PIGK: variants seen among roughly 807,000 people sequenced by gnomAD.
PIGK encodes GPI-anchor transamidase.
Under a neutral mutation model 50.6 loss-of-function variants are expected in PIGK, and 42 were observed. That is an observed-to-expected ratio of 0.83 (90% confidence interval 0.65 to 1.07). The LOEUF (loss-of-function observed/expected upper bound fraction) is 1.07. PIGK is among the 50% of genes least tolerant of loss of function. PIGK has a pLI of 0.00. For missense variants in PIGK, 448 were observed against 488.7 expected, an observed-to-expected ratio of 0.92 and a Z score of 0.78; for synonymous variants, 151 against 156.0, an observed-to-expected ratio of 0.97 and a Z score of 0.24.
intron 10 of PIGK, among the ~76,000 whole-genome samples, chr1:77,118,883 T>C (rs1654036298): frequency 6.6e-6 from 1 of 152,184 alleles, no homozygotes; most frequent in Non-Finnish European, 1.5e-5. Context: ...TGTGGGGGTG[T>C]TGCTAAAGGA....
At chr1:77,097,230 GCT>G (rs1653436949) in intron 10 of PIGK, among the ~76,000 whole-genome samples, 1 of 152,072 alleles carries the variant, frequency 6.6e-6, no homozygotes, top group South Asian at 2.1e-4. Flanking sequence ...CTCTCCTCTA[GCT>G]CTCCTTTATA....
chr1:77,211,437 T>C (rs997192504), intron 1 of PIGK, among the ~76,000 whole-genome samples: 2 of 152,020 alleles, frequency 1.3e-5, no homozygotes, highest in African/African-American at 4.8e-5. Context: ...TAGGTTGTAC[T>C]CTGATAATTC....
chr1:77,166,159 CTATAT>C (rs925524789), intron 5 of PIGK, among the ~76,000 whole-genome samples: 1 of 152,184 alleles, frequency 6.6e-6, no homozygotes, highest in East Asian at 1.9e-4. Context: ...CATATGATAA[CTATAT>C]TATATTATGG....
chr1:77,203,232 TACTA>T (rs1656212033), intron 3 of PIGK, among the ~76,000 whole-genome samples: 1 of 152,212 alleles, frequency 6.6e-6, no homozygotes, highest in African/African-American at 2.4e-5. Context: ...TTGCTTCACA[TACTA>T]ACCTTAGAAC....
At chr1:77,104,255 T>C (rs964246873) in intron 10 of PIGK, among the ~76,000 whole-genome samples, 1 of 151,792 alleles carries the variant, frequency 6.6e-6, no homozygotes, top group Admixed American at 6.6e-5. Context: ...GGAAAAACAA[T>C]TACTAGAAAA....
intron 10 of PIGK, among the ~76,000 whole-genome samples, chr1:77,108,739 A>G (rs1160438524): frequency 6.6e-6 from 1 of 152,194 alleles, no homozygotes; most frequent in Non-Finnish European, 1.5e-5. Context: ...AATCAAATGT[A>G]GGTTTGGTCT....
At chr1:77,108,644 CTAGG>C (rs1653757109) in intron 10 of PIGK, among the ~76,000 whole-genome samples, 1 of 151,924 alleles carries the variant, frequency 6.6e-6, no homozygotes, top group Non-Finnish European at 1.5e-5. Flanking sequence ...GCCTGCCTTG[CTAGG>C]CTGGGGAAGT....
At chr1:77,122,022 T>C (rs989137442) in intron 10 of PIGK, among the ~76,000 whole-genome samples, 4 of 152,230 alleles carry the variant, frequency 2.6e-5, no homozygotes, top group Admixed American at 2.6e-4. Context: ...AATTAAATAA[T>C]GCACAAAAGA....
At chr1:77,108,586 G>A (rs989292134) in intron 10 of PIGK, among the ~76,000 whole-genome samples, 2 of 151,942 alleles carry the variant, frequency 1.3e-5, no homozygotes, top group Non-Finnish European at 2.9e-5. Context: ...TGCTCTTCTC[G>A]AGGAGTATCT....
At chr1:77,114,287 A>G (rs1653916419) in intron 10 of PIGK, among the ~76,000 whole-genome samples, 1 of 152,154 alleles carries the variant, frequency 6.6e-6, no homozygotes, top group Non-Finnish European at 1.5e-5. Context: ...AACTATTCTG[A>G]ACCTCAGTTA....
chr1:77,109,114 C>A (rs910277838), intron 10 of PIGK, among the ~76,000 whole-genome samples: 1 of 152,030 alleles, frequency 6.6e-6, no homozygotes, highest in African/African-American at 2.4e-5. Context: ...GAGGCAATAA[C>A]TAATAGCTTA....
chr1:77,147,138 G>A (rs1283802638), intron 9 of PIGK, among the ~76,000 whole-genome samples: 1 of 152,118 alleles, frequency 6.6e-6, no homozygotes, highest in Non-Finnish European at 1.5e-5. Flanking sequence ...CTTCTTACTT[G>A]GTGGCAGTAA....
intron 9 of PIGK, among the ~76,000 whole-genome samples, chr1:77,144,846 TG>T (rs764439537): frequency 2.1e-4 from 32 of 151,964 alleles, no homozygotes; most frequent in Non-Finnish European, 3.8e-4. Flanking sequence ...ATCTAATTTC[TG>T]AAATTTCATT....
chr1:77,196,932 A>G (rs1287136515), intron 3 of PIGK, among the ~76,000 whole-genome samples: 3 of 152,094 alleles, frequency 2.0e-5, no homozygotes, highest in Non-Finnish European at 4.4e-5. Flanking sequence ...GTTTTCTTCT[A>G]GAATTTTTAG....
chr1:77,115,611 A>G (rs1008994336), intron 10 of PIGK, among the ~76,000 whole-genome samples: 14 of 152,206 alleles, frequency 9.2e-5, no homozygotes, highest in African/African-American at 2.9e-4. Context: ...ACACACCAGG[A>G]TACTGTATGA....
At chr1:77,211,894 C>T (rs930837659) in intron 1 of PIGK, among the ~76,000 whole-genome samples, 1 of 149,408 alleles carries the variant, frequency 6.7e-6, no homozygotes, top group Non-Finnish European at 1.5e-5. Flanking sequence ...GACAGGTCTT[C>T]TTCATATGCT....
intron 3 of PIGK, among the ~76,000 whole-genome samples, chr1:77,196,573 T>C (rs1656042772): frequency 6.6e-6 from 1 of 152,216 alleles, no homozygotes; most frequent in Admixed American, 6.5e-5. Context: ...TAATTAGTGA[T>C]GTTGAGCACC....
At chr1:77,165,368 T>C (rs920954987) in intron 5 of PIGK, among the ~76,000 whole-genome samples, 4 of 152,092 alleles carry the variant, frequency 2.6e-5, no homozygotes, top group Non-Finnish European at 5.9e-5. Context: ...ATTAACTCTA[T>C]TGAGTTAATT....
intron 10 of PIGK, among the ~76,000 whole-genome samples, chr1:77,119,155 G>A (rs1329460747): frequency 6.6e-6 from 1 of 151,992 alleles, no homozygotes; most frequent in Non-Finnish European, 1.5e-5. Flanking sequence ...TGGACATTTG[G>A]TCTTCTACAT....
Sources: allele counts gnomAD v4.1 joint callset (sites outside exome capture counted in the v4.1 genomes callset), GRCh38; gene constraint gnomAD v4.1.1; transcripts MANE v1.5; gene names NCBI Gene and HGNC (gene_info 2026-07-23, HGNC 2026-07-21).